PLXNA2: variants seen among roughly 807,000 people sequenced by gnomAD.
PLXNA2 encodes plexin-A2.
Under a neutral mutation model 193.5 loss-of-function variants are expected in PLXNA2, and 91 were observed. The observed-to-expected ratio is 0.47, with a 90% CI of 0.40 to 0.56. The LOEUF (loss-of-function observed/expected upper bound fraction) is 0.56, where lower values mean the gene tolerates loss of function less well. PLXNA2 is among the 20% of genes least tolerant of loss of function. The probability of loss-of-function intolerance (pLI) is 0.00; values close to 1 mark genes in which losing one functional copy is unlikely to be tolerated. For missense variants in PLXNA2, 1,995 were observed against 2,503.2 expected, an observed-to-expected ratio of 0.80 and a Z score of 4.33; for synonymous variants, 997 against 1,027.3, an observed-to-expected ratio of 0.97 and a Z score of 0.56.
At chr1:208,208,137 G>GTATC (rs1248737000) in intron 3 of PLXNA2, among the ~76,000 whole-genome samples, 2 of 152,250 alleles carry the variant, frequency 1.3e-5, no homozygotes, top group Non-Finnish European at 2.9e-5. Flanking sequence ...AGGTCCCTTT[G>GTATC]TATCTGGTTG....
At chr1:208,104,036 G>A (rs767446039) in intron 4 of PLXNA2, among the ~76,000 whole-genome samples, 13 of 152,168 alleles carry the variant, frequency 8.5e-5, no homozygotes, top group Non-Finnish European at 1.5e-4. Context: ...AGGCAAGGGG[G>A]CCAGAGGACT....
chr1:208,231,917 T>C (rs1671703358), intron 1 of PLXNA2, among the ~76,000 whole-genome samples: 1 of 152,240 alleles, frequency 6.6e-6, no homozygotes, highest in Admixed American at 6.5e-5. Context: ...AAGAGGATAC[T>C]CTCTGCCTGC....
chr1:208,031,893 G>C (rs1181905682), intron 28 of PLXNA2, 134 bp from the exon 29 acceptor site: 2 of 1,273,582 alleles, frequency 1.6e-6, no homozygotes, highest in Non-Finnish European at 1.1e-6. Flanking sequence ...GCAGTGTTGC[G>C]GGGTGGGGAA....
intron 3 of PLXNA2, among the ~76,000 whole-genome samples, chr1:208,203,400 C>T (rs769499971): frequency 4.6e-5 from 7 of 152,136 alleles, no homozygotes; most frequent in African/African-American, 1.4e-4. Flanking sequence ...GTTAGGGTAT[C>T]AGATGGGCGG....
chr1:208,220,922 G>A (rs1315162012), intron 1 of PLXNA2, among the ~76,000 whole-genome samples: 2 of 152,166 alleles, frequency 1.3e-5, no homozygotes, highest in Non-Finnish European at 2.9e-5. Flanking sequence ...GAAGCATGTG[G>A]CAAGGGGAAA....
At chr1:208,088,088 A>T (rs1176137634) in intron 9 of PLXNA2, among the ~76,000 whole-genome samples, 1 of 152,208 alleles carries the variant, frequency 6.6e-6, no homozygotes, top group African/African-American at 2.4e-5. Flanking sequence ...TCTTTGGGTC[A>T]TCTTCTTTCT....
chr1:208,026,930 T>C lies in PLXNA2; in HGVS notation c.*313A>G, dbSNP rs775370628. On this transcript the variant is annotated 3_prime_UTR_variant, in exon 32 of 32. Coordinates refer to ENST00000367033, the MANE Select transcript of PLXNA2 (RefSeq NM_025179.4). ...CCAATATACATCAAATGAGTTTTCA[T>C]GCAAAGCAGCAGTCACAGAGGCAGA... is the stretch of plus-strand genomic sequence containing the variant. The C allele has an allele frequency of 2.3e-4, 53 of 234,384 alleles. No individual in the cohort carries two copies. The highest frequency in any genetic ancestry group is 5.0e-5 in the Non-Finnish European group (6 of 120,458). 14.5% of individuals were successfully genotyped at this position (234,384 alleles called of 1,614,324 possible).
chr1:208,190,864 A>C (rs1425170853), intron 3 of PLXNA2, among the ~76,000 whole-genome samples: 1 of 152,166 alleles, frequency 6.6e-6, no homozygotes, highest in Non-Finnish European at 1.5e-5. Flanking sequence ...ACACTCTAAT[A>C]ATGGGCGTTG....
chr1:208,044,294 C>A lies in PLXNA2; in HGVS notation c.3874+214G>T, dbSNP rs996503269. The stretch of plus-strand genomic sequence containing the variant: ...GGGCAAAGAAGGGACTAGAACAATG[C>A]AATTGGACCTGGGTCCTCATGCAGT... On this transcript the variant is annotated intron_variant, in intron 20 of 31. Transcript: ENST00000367033. This position sits in a 1 kb window ranked among gnomAD's most constrained non-coding sequence, Gnocchi z 4.9. Among the ~76,000 whole-genome samples the A allele has an allele frequency of 6.6e-6, 1 of 152,188 alleles. No homozygotes were observed. Among genetic ancestry groups the A allele is most frequent in the Admixed American group, 6.5e-5 (1 of 15,274 alleles).
At chr1:208,030,407 C>A in intron 29 of PLXNA2, 1 of 985,652 alleles carries the variant, frequency 1.0e-6, no homozygotes, top group Non-Finnish European at 1.2e-6. Context: ...CCTCTCCCAG[C>A]GCTGGGCCGG....
intron 3 of PLXNA2, among the ~76,000 whole-genome samples, chr1:208,166,111 T>C (rs1415371996): frequency 6.6e-6 from 1 of 152,224 alleles, no homozygotes; most frequent in Non-Finnish European, 1.5e-5. Flanking sequence ...GGGCAGATTA[T>C]GTTTCTCACA....
chr1:208,030,674 A>G, intron 29 of PLXNA2: 2 of 985,390 alleles, frequency 2.0e-6, no homozygotes, highest in South Asian at 9.4e-5. Context: ...TTCCCAAATA[A>G]CAGCCTGGGC....
chr1:208,224,281 T>C (rs1217538515), intron 1 of PLXNA2, among the ~76,000 whole-genome samples: 1 of 151,396 alleles, frequency 6.6e-6, no homozygotes, highest in Non-Finnish European at 1.5e-5. Flanking sequence ...CCACTGTCAC[T>C]CTGATGGCGT....
At chr1:208,181,859 TCTC>T (rs1210525523) in intron 3 of PLXNA2, among the ~76,000 whole-genome samples, 1 of 152,194 alleles carries the variant, frequency 6.6e-6, no homozygotes, top group Non-Finnish European at 1.5e-5. Context: ...AGGCAAATGT[TCTC>T]CTCCAACTTT....
chr1:208,228,803 C>T (rs1349258549), intron 1 of PLXNA2, among the ~76,000 whole-genome samples: 1 of 152,196 alleles, frequency 6.6e-6, no homozygotes, highest in Non-Finnish European at 1.5e-5. Flanking sequence ...TTTCCACTCC[C>T]TTCTTTGCCT....
At chr1:208,098,620 T>C (rs1444348447) in intron 6 of PLXNA2, among the ~76,000 whole-genome samples, 1 of 152,214 alleles carries the variant, frequency 6.6e-6, no homozygotes, top group East Asian at 1.9e-4. Context: ...TGCAAAAATC[T>C]AGATTTACAA....
intron 3 of PLXNA2, among the ~76,000 whole-genome samples, chr1:208,186,708 A>ATTTTGTTTTTTGTTTTTTTTTT (rs368056918): frequency 8.9e-5 from 10 of 111,732 alleles, no homozygotes; most frequent in East Asian, 3.6e-4. Context: ...TTGCAATGTT[A>ATTTTGTTTTTTGTTTTTTTTTT]TTTTATTTTT....
At chr1:208,121,040 C>G (rs1203800114) in intron 4 of PLXNA2, among the ~76,000 whole-genome samples, 1 of 152,160 alleles carries the variant, frequency 6.6e-6, no homozygotes, top group African/African-American at 2.4e-5. Flanking sequence ...GTTACTCATT[C>G]CTTAGCAGTA....
intron 3 of PLXNA2, among the ~76,000 whole-genome samples, chr1:208,186,147 G>A (rs1047008302): frequency 2.0e-5 from 3 of 152,198 alleles, no homozygotes; most frequent in African/African-American, 7.2e-5. Context: ...GAGGGTAGGA[G>A]GAAAAGGCTG....
Sources: gnomAD v4.1 joint callset for allele counts (sites outside exome capture counted in the v4.1 genomes callset) on GRCh38, gnomAD v4.1.1 for gene constraint, Gnocchi (gnomAD v3.1) non-coding constraint, MANE v1.5 for transcripts, NCBI Gene and HGNC (gene_info 2026-07-23, HGNC 2026-07-21) for gene names.